NF2: variants seen among roughly 807,000 people sequenced by gnomAD.
NF2 encodes NF2, moesin-ezrin-radixin like (MERLIN) tumor suppressor.
A neutral mutation model predicts 83.7 loss-of-function variants in NF2; 8 were observed. That is an observed-to-expected ratio of 0.10 (90% CI 0.06 to 0.17). The LOEUF is 0.17. NF2 is among the 10% of genes least tolerant of loss of function. The pLI is 1.00. For missense variants in NF2, 533 were observed against 744.4 expected (o/e 0.72, Z 3.31); for synonymous variants, 266 against 269.6 (o/e 0.99, Z 0.13).
intron 8 of NF2, among the ~76,000 whole-genome samples, chr22:29,664,520 C>G (rs1192999923): frequency 6.6e-6 from 1 of 152,224 alleles, no homozygotes. Flanking sequence ...TTCACTCTCT[C>G]TTGCTTATGG....
chr22:29,642,072 T>G, intron 3 of NF2, 130 bp from the exon 4 acceptor site: 2 of 764,186 alleles, frequency 2.6e-6, no homozygotes, highest in Non-Finnish European at 4.6e-6. Context: ...ATTGTACCCT[T>G]TGTCAGAAAA....
chr22:29,607,320 T>C (rs949169046), intron 1 of NF2, among the ~76,000 whole-genome samples: 8 of 151,456 alleles, frequency 5.3e-5, no homozygotes, highest in African/African-American at 2.0e-4. Context: ...AATAGAACAA[T>C]ATGCCACAAT....
At chr22:29,681,381 C>G in intron 14 of NF2, 58 bp from the exon 15 acceptor site, 1 of 1,606,194 alleles carries the variant, frequency 6.2e-7, no homozygotes, top group Non-Finnish European at 8.5e-7. Flanking sequence ...CGCAGAGCAC[C>G]TGAGCCGTGT....
intron 1 of NF2, among the ~76,000 whole-genome samples, chr22:29,606,740 G>T (rs1159693735): frequency 6.6e-6 from 1 of 152,172 alleles, no homozygotes; most frequent in Non-Finnish European, 1.5e-5. Context: ...GCCATTCTAG[G>T]ATCAGAAGAA....
chr22:29,613,122 C>T (rs2064996434), intron 1 of NF2, among the ~76,000 whole-genome samples: 1 of 151,824 alleles, frequency 6.6e-6, no homozygotes, highest in South Asian at 2.1e-4. Context: ...ATTGACAAGT[C>T]AATTCATAAA....
chr22:29,670,186 T>G (rs562183250), intron 10 of NF2, among the ~76,000 whole-genome samples: 1 of 152,162 alleles, frequency 6.6e-6, no homozygotes, highest in African/African-American at 2.4e-5. Flanking sequence ...TTCGTAGAGA[T>G]CAGGTCTTGC....
chr22:29,644,872 T>C (rs2065939656), intron 4 of NF2, among the ~76,000 whole-genome samples: 2 of 147,668 alleles, frequency 1.4e-5, no homozygotes, highest in Admixed American at 6.6e-5. Flanking sequence ...ATGGCAGCAG[T>C]ATAGTCCAGC....
chr22:29,662,684 ATC>A (rs2066512638), intron 8 of NF2, among the ~76,000 whole-genome samples: 1 of 152,222 alleles, frequency 6.6e-6, no homozygotes, highest in African/African-American at 2.4e-5. Flanking sequence ...TGTTGTCAAT[ATC>A]TCTGTGTCAC....
At chr22:29,693,045 G>T (rs1416312174) in intron 15 of NF2, among the ~76,000 whole-genome samples, 1 of 152,216 alleles carries the variant, frequency 6.6e-6, no homozygotes, top group Non-Finnish European at 1.5e-5. Context: ...TCAGAAACCT[G>T]AGCGGAGATA....
rs2067525661 is a variant in NF2 at position 29,695,505 on chromosome 22, G to A, written c.*703G>A. On this transcript the variant is annotated 3_prime_UTR_variant, in exon 16 of 16. Coordinates refer to ENST00000338641, the MANE Select transcript of NF2 (RefSeq NM_000268.4). This position sits in a 1 kb window ranked among gnomAD's most constrained non-coding sequence, Gnocchi z 5.4. Reference sequence around the variant, plus strand: ...GGCTGGGTAGTGCCGTGCGGGAGCTGATGGTACAGGGCACTCGCTGTCCCC... The same window carrying A: ...GGCTGGGTAGTGCCGTGCGGGAGCTAATGGTACAGGGCACTCGCTGTCCCC... 1 of 243,916 alleles carries A rather than the reference G, an allele frequency of 4.1e-6. No homozygotes were observed. Among genetic ancestry groups the A allele is most frequent in the South Asian group, 1.5e-4 (1 of 6,772 alleles). 15.1% of individuals were successfully genotyped at this position (243,916 alleles called of 1,614,324 possible). A position where few individuals can be genotyped will look rare whatever the true frequency, so the allele number is the denominator to read the frequency against.
In NF2 at chr22:29,639,076, C is replaced by G. The variant is rs775172700; in HGVS notation, c.241-14C>G. On this transcript the variant is annotated splice_polypyrimidine_tract_variant and intron_variant, in intron 2 of 15. Coordinates refer to ENST00000338641, the MANE Select transcript of NF2 (RefSeq NM_000268.4). Reference sequence around the variant, plus strand: ...CAATATAGTGTGTTTGTCTTTTGCTCTGCAATTCTGCAGGTACTGGATCAT... The same window carrying G: ...CAATATAGTGTGTTTGTCTTTTGCTGTGCAATTCTGCAGGTACTGGATCAT... The G allele has an allele frequency of 1.2e-6, 2 of 1,614,218 alleles. No homozygotes were observed. The highest frequency in any genetic ancestry group is 2.2e-5 in the South Asian group (2 of 91,080).
chr22:29,649,477 G>A (rs2066080508), intron 4 of NF2, among the ~76,000 whole-genome samples: 2 of 152,200 alleles, frequency 1.3e-5, no homozygotes, highest in South Asian at 4.1e-4. Context: ...AGAGGTGGGA[G>A]GATAGCTTGA....
rs541056271 is a variant in NF2 at position 29,604,916 on chromosome 22, A to G, written c.114+804A>G. 2.0e-5 allele frequency among the ~76,000 whole-genome samples: 3 copies of G among 152,342 alleles called. No individual in the cohort carries two copies. The East Asian group carries it at 5.8e-4, about 29-fold the overall frequency. On this transcript the variant is annotated intron_variant, in intron 1 of 15. Coordinates refer to ENST00000338641, the MANE Select transcript of NF2 (RefSeq NM_000268.4). ...TTGTAACACAAAAGCAGCCTTAGATAAGATCAGCTTCCAGCATGACAGCTT... is the reference window on the plus strand; with the variant it reads ...TTGTAACACAAAAGCAGCCTTAGATGAGATCAGCTTCCAGCATGACAGCTT...
At chr22:29,626,002 A>G (rs2065357422) in intron 1 of NF2, among the ~76,000 whole-genome samples, 1 of 152,166 alleles carries the variant, frequency 6.6e-6, no homozygotes, top group Non-Finnish European at 1.5e-5. Context: ...TGAAGCCCAA[A>G]GTAATTACTA....
At position 29,698,494 on chromosome 22, in the gene NF2, C is replaced by T. The variant is rs1033744120; in HGVS notation, c.*3692C>T. On this transcript the variant is annotated 3_prime_UTR_variant, in exon 16 of 16. Transcript: ENST00000338641. Reference sequence around the variant, plus strand: ...AAACGTCACTTCTTCCTGTAGGGCCCGAGTCCTGCCTCCTATCAGGGCCAG... The same window carrying T: ...AAACGTCACTTCTTCCTGTAGGGCCTGAGTCCTGCCTCCTATCAGGGCCAG... The T allele has an allele frequency of 1.9e-5, 4 of 207,550 alleles. No homozygotes were observed. The highest frequency in any genetic ancestry group is 2.9e-5 in the Non-Finnish European group (3 of 101,848). The allele number at this position is 207,550 out of a possible 1,614,324, so 12.9% of individuals were successfully genotyped here. A position where few individuals can be genotyped will look rare whatever the true frequency, so the allele number is the denominator to read the frequency against.
chr22:29,625,202 C>T lies in NF2; in HGVS notation c.115-11549C>T, dbSNP rs547017028. ...TCGGCCTCCCAAAGTGTTGGGATTA[C>T]AGGCACGAGCCATTGCACCCGGCCA... On this transcript the variant is annotated intron_variant, in intron 1 of 15. Coordinates refer to ENST00000338641, the MANE Select transcript of NF2 (RefSeq NM_000268.4). 3.3e-5 allele frequency among the ~76,000 whole-genome samples: 5 copies of T among 152,262 alleles called. No homozygotes were observed. The South Asian group carries it at 6.2e-4, about 19-fold the overall frequency.
At chr22:29,675,106 C>T (rs1396926053) in intron 13 of NF2, among the ~76,000 whole-genome samples, 165 bp downstream of exon 13, 2 of 152,174 alleles carry the variant, frequency 1.3e-5, no homozygotes, top group Non-Finnish European at 2.9e-5. Flanking sequence ...GGTAGAACAT[C>T]CTGGTCTGCC....
Position 29,625,859 on chromosome 22 carries a change from C to T in NF2, c.115-10892C>T, listed in dbSNP as rs12483776. ...TTTTGCTTCTTTGCCAAATTTGGACCGAGCTTTGAAAACTTCATATAAACT... is the reference window on the plus strand; with the variant it reads ...TTTTGCTTCTTTGCCAAATTTGGACTGAGCTTTGAAAACTTCATATAAACT... On this transcript the variant is annotated intron_variant, in intron 1 of 15. Coordinates refer to ENST00000338641, the MANE Select transcript of NF2 (RefSeq NM_000268.4). Among the ~76,000 whole-genome samples the T allele has an allele frequency of 7.1e-3, 1,084 of 152,208 alleles. 5 individuals are homozygous for T. The highest frequency in any genetic ancestry group is 0.014 in the Middle Eastern group (4 of 294).
In NF2 at chr22:29,636,998, T is replaced by C; in HGVS notation, c.240+122T>C. 7.1e-7 allele frequency: 1 copy of C among 1,414,764 alleles called. No homozygotes were observed. The allele number at this position is 1,414,764 out of a possible 1,614,324, so 87.6% of individuals were successfully genotyped here. Reference sequence around the variant, plus strand: ...TATAGTAGAGAAGGGGGCACATTCCTGAATTAAGTCATGCAGAAAGCAGGA... The same window carrying C: ...TATAGTAGAGAAGGGGGCACATTCCCGAATTAAGTCATGCAGAAAGCAGGA... On this transcript the variant is annotated intron_variant, in intron 2 of 15. Coordinates refer to ENST00000338641, the MANE Select transcript of NF2 (RefSeq NM_000268.4). This position sits in a 1 kb window ranked among gnomAD's most constrained non-coding sequence, Gnocchi z 4.4.
Sources: allele counts gnomAD v4.1 joint callset (sites outside exome capture counted in the v4.1 genomes callset), GRCh38; gene constraint gnomAD v4.1.1; non-coding constraint Gnocchi (gnomAD v3.1); transcripts MANE v1.5; gene names NCBI Gene and HGNC (gene_info 2026-07-23, HGNC 2026-07-21).